Variants in CNTN4 observed in about 807,000 individuals in gnomAD.
The protein encoded by CNTN4 is contactin 4, also known as contactin-4.
A neutral mutation model predicts 122.5 loss-of-function variants in CNTN4; 77 were observed. The observed-to-expected ratio is 0.63, with a 90% CI of 0.52 to 0.76. The LOEUF is 0.76. CNTN4 is among the 30% of genes least tolerant of loss of function. The pLI is 0.00. For missense variants in CNTN4, 1,256 were observed against 1,259.1 expected (o/e 1.00, Z 0.04); for synonymous variants, 512 against 447.0 (o/e 1.15, Z -1.83).
At chr3:2,107,245 C>A (rs1036931300) in intron 2 of CNTN4, among the ~76,000 whole-genome samples, 3 of 152,176 alleles carry the variant, frequency 2.0e-5, no homozygotes, top group Non-Finnish European at 4.4e-5. Flanking sequence ...CCACTCTCTG[C>A]AGTACCAATT....
chr3:3,038,363 A>G (rs956347057), intron 18 of CNTN4, among the ~76,000 whole-genome samples: 2 of 152,106 alleles, frequency 1.3e-5, no homozygotes, highest in African/African-American at 2.4e-5. Flanking sequence ...TCTGTCTGCC[A>G]CTTCCTTCAA....
At chr3:2,718,237 G>T (rs59174801) in intron 4 of CNTN4, among the ~76,000 whole-genome samples, 40 of 102,550 alleles carry the variant, frequency 3.9e-4, no homozygotes, top group Middle Eastern at 4.9e-3. Flanking sequence ...CATTTTCTTG[G>T]TTTTTTTTTT....
intron 2 of CNTN4, among the ~76,000 whole-genome samples, chr3:2,149,428 T>C (rs2035397669): frequency 6.6e-6 from 1 of 152,182 alleles, no homozygotes; most frequent in African/African-American, 2.4e-5. Flanking sequence ...CAATTTGAGA[T>C]GAATGCATAC....
intron 2 of CNTN4, among the ~76,000 whole-genome samples, chr3:2,197,007 T>G (rs1417264382): frequency 2.1e-5 from 3 of 140,248 alleles, no homozygotes; most frequent in Admixed American, 1.5e-4. Flanking sequence ...ATCATGCCAC[T>G]GCAGTCCAGC....
intron 23 of CNTN4, among the ~76,000 whole-genome samples, chr3:3,045,405 C>A (rs1700544147): frequency 6.6e-6 from 1 of 152,210 alleles, no homozygotes; most frequent in Non-Finnish European, 1.5e-5. Context: ...ACACCTCACA[C>A]AGCCAGGTAC....
In CNTN4 at chr3:2,594,299, T is replaced by C. The variant is rs2080653014; in HGVS notation, c.55+22741T>C. ...AGGCCAATTCTATACACAAAGTACA[T>C]ATTTATCCATTGATTCCATGAAAAC... On this transcript the variant is annotated intron_variant, in intron 4 of 24. Transcript: ENST00000418658. Among the ~76,000 whole-genome samples, 3 of 152,274 alleles carry C rather than the reference T, an allele frequency of 2.0e-5. No individual in the cohort carries two copies. The South Asian group carries it at 6.2e-4, about 32-fold the overall frequency.
intron 4 of CNTN4, among the ~76,000 whole-genome samples, chr3:2,618,800 A>G (rs1426461313): frequency 6.6e-6 from 1 of 152,212 alleles, no homozygotes; most frequent in East Asian, 1.9e-4. Flanking sequence ...TAATAAAACA[A>G]TTTGTGTCTG....
intron 3 of CNTN4, among the ~76,000 whole-genome samples, chr3:2,552,995 C>G (rs1259371013): frequency 6.6e-6 from 1 of 152,104 alleles, no homozygotes; most frequent in Non-Finnish European, 1.5e-5. Flanking sequence ...ACCTCCTTGG[C>G]AAGTACACGT....
intron 4 of CNTN4, among the ~76,000 whole-genome samples, chr3:2,671,412 A>G (rs968159026): frequency 2.6e-5 from 4 of 152,150 alleles, no homozygotes; most frequent in African/African-American, 4.8e-5. Context: ...TTCGTCACAT[A>G]GTTCTCGTGC....
At chr3:2,227,209 A>G (rs918355541) in intron 2 of CNTN4, among the ~76,000 whole-genome samples, 1 of 152,188 alleles carries the variant, frequency 6.6e-6, no homozygotes, top group South Asian at 2.1e-4. Flanking sequence ...GCAAACTTCT[A>G]TTATTTATCT....
intron 2 of CNTN4, among the ~76,000 whole-genome samples, chr3:2,185,727 G>C (rs1401864976): frequency 1.3e-5 from 2 of 152,050 alleles, no homozygotes; most frequent in African/African-American, 4.8e-5. Flanking sequence ...GCCAATAATG[G>C]TACAAAGTAT....
chr3:2,815,873 C>CATATATATATATATATATATATAT lies in CNTN4; in HGVS notation c.359-3595_359-3594insATATATATATATATATATATATAT, dbSNP rs58111735. Among the ~76,000 whole-genome samples, 249 of 141,114 alleles carry CATATATATATATATATATATATAT rather than the reference C, an allele frequency of 1.8e-3. 11 individuals are homozygous for CATATATATATATATATATATATAT. Among genetic ancestry groups the CATATATATATATATATATATATAT allele is most frequent in the African/African-American group, 6.9e-3 (226 of 32,586 alleles). 92.6% of individuals were successfully genotyped at this position (141,114 alleles called of 152,430 possible). ...CAATAAGTGGCTAAAGAAACTATGG[C>CATATATATATATATATATATATAT]ATATATATATATATATATGATGGAA... is the stretch of plus-strand genomic sequence containing the variant. On this transcript the variant is annotated intron_variant, in intron 6 of 24. Coordinates refer to ENST00000418658, the MANE Select transcript of CNTN4 (RefSeq NM_175607.3).
At chr3:2,683,351 CACG>C (rs2085264789) in intron 4 of CNTN4, among the ~76,000 whole-genome samples, 1 of 151,886 alleles carries the variant, frequency 6.6e-6, no homozygotes, top group Non-Finnish European at 1.5e-5. Context: ...CACACACACA[CACG>C]CAGGTGGATA....
At chr3:2,435,382 G>A (rs1502570) in intron 3 of CNTN4, among the ~76,000 whole-genome samples, 99,667 of 151,880 alleles carry the variant, frequency 0.66, 33,595 homozygotes, top group East Asian at 0.93. Context: ...CTAATACAGT[G>A]TAATTCTATG....
intron 14 of CNTN4, among the ~76,000 whole-genome samples, chr3:3,003,469 G>T (rs1379745124): frequency 6.6e-6 from 1 of 152,006 alleles, no homozygotes; most frequent in Non-Finnish European, 1.5e-5. Context: ...AAAATATGAT[G>T]CTAAGTGAAA....
At chr3:2,483,838 G>T (rs747419195) in intron 3 of CNTN4, among the ~76,000 whole-genome samples, 1 of 152,092 alleles carries the variant, frequency 6.6e-6, no homozygotes. Flanking sequence ...CCAGTCTCAG[G>T]TATTTCTTCA....
chr3:2,521,607 T>C (rs2149152796), intron 3 of CNTN4, among the ~76,000 whole-genome samples: 2 of 152,236 alleles, frequency 1.3e-5, no homozygotes, highest in South Asian at 4.1e-4. Context: ...GTAAATATTA[T>C]AGCAACTAAG....
chr3:2,676,052 C>A (rs1289771568), intron 4 of CNTN4, among the ~76,000 whole-genome samples: 1 of 152,108 alleles, frequency 6.6e-6, no homozygotes, highest in Non-Finnish European at 1.5e-5. Flanking sequence ...ATAAATCTTT[C>A]ACCTTTTAAA....
At chr3:2,758,759 G>A (rs567967706) in intron 6 of CNTN4, among the ~76,000 whole-genome samples, 2 of 151,962 alleles carry the variant, frequency 1.3e-5, no homozygotes, top group Non-Finnish European at 1.5e-5. Flanking sequence ...CACCTGCCTC[G>A]GCCTCCTAAG....
Sources: gnomAD v4.1 joint callset for allele counts (sites outside exome capture counted in the v4.1 genomes callset) on GRCh38, gnomAD v4.1.1 for gene constraint, MANE v1.5 for transcripts, NCBI Gene and HGNC (gene_info 2026-07-23, HGNC 2026-07-21) for gene names.